The following DCBLD2 variants were observed in gnomAD, a reference collection of about 807,000 sequenced individuals.
DCBLD2 encodes the protein discoidin, CUB and LCCL domain-containing protein 2.
In DCBLD2, 54 loss-of-function variants were observed where a neutral mutation model predicts 86.8. The ratio of observed to expected loss-of-function variants is 0.62; its 90% CI spans 0.50 to 0.78. DCBLD2 has a LOEUF of 0.78. Among genes scored for constraint, DCBLD2 ranks in the 30% least tolerant of loss-of-function variants. The probability of loss-of-function intolerance (pLI) is 0.00; values close to 1 mark genes in which losing one functional copy is unlikely to be tolerated. For missense variants in DCBLD2, 908 were observed against 954.2 expected (o/e 0.95, Z 0.64); for synonymous variants, 354 against 341.3 (o/e 1.04, Z -0.41).
intron 3 of DCBLD2, among the ~76,000 whole-genome samples, chr3:98,836,599 A>T (rs1942455311): frequency 1.4e-5 from 2 of 147,856 alleles, no homozygotes; most frequent in African/African-American, 2.5e-5. Context: ...GTTCTCAATG[A>T]GCTGTTGGGC....
At chr3:98,865,293 A>T (rs942768807) in intron 2 of DCBLD2, among the ~76,000 whole-genome samples, 3 of 152,208 alleles carry the variant, frequency 2.0e-5, no homozygotes, top group Non-Finnish European at 4.4e-5. Flanking sequence ...TATTAAAAAA[A>T]AAAGAAACCC....
chr3:98,876,411 G>GAAAAAAAAAAAAAAAAA (rs1488329797), intron 2 of DCBLD2, among the ~76,000 whole-genome samples: 1 of 2,336 alleles, frequency 4.3e-4, no homozygotes, highest in Non-Finnish European at 8.0e-4. Flanking sequence ...GAGATAAAAA[G>GAAAAAAAAAAAAAAAAA]TAAAAAAAAA....
chr3:98,857,201 G>A (rs546207208), intron 2 of DCBLD2, among the ~76,000 whole-genome samples: 14 of 152,294 alleles, frequency 9.2e-5, no homozygotes, highest in African/African-American at 3.4e-4. Context: ...TCCTCCTGGT[G>A]GGTTCGTGGT....
chr3:98,836,874 G>A (rs1942470674), intron 3 of DCBLD2, among the ~76,000 whole-genome samples: 2 of 53,148 alleles, frequency 3.8e-5, no homozygotes, highest in Non-Finnish European at 8.1e-5. Context: ...GCGGGGGGCC[G>A]ACACCCCCAC....
chr3:98,833,621 G>A (rs1035344710), intron 3 of DCBLD2, among the ~76,000 whole-genome samples: 23 of 152,204 alleles, frequency 1.5e-4, no homozygotes, highest in African/African-American at 4.8e-4. Context: ...GGGGTACAGT[G>A]GTTGTGCTGG....
At chr3:98,867,223 GTTTTT>G (rs1943165197) in intron 2 of DCBLD2, among the ~76,000 whole-genome samples, 1 of 152,218 alleles carries the variant, frequency 6.6e-6, no homozygotes, top group Admixed American at 6.5e-5. Context: ...CTTTAAAGTA[GTTTTT>G]TCCAATTCTG....
chr3:98,894,381 T>C (rs147963100), intron 1 of DCBLD2, among the ~76,000 whole-genome samples: 11 of 152,262 alleles, frequency 7.2e-5, no homozygotes, highest in Middle Eastern at 3.4e-3. Flanking sequence ...GGGGGACTTT[T>C]ATAATATTGG....
At chr3:98,824,740 GTTAAGGAAA>G in intron 4 of DCBLD2, among the ~76,000 whole-genome samples, 2 of 152,114 alleles carry the variant, frequency 1.3e-5, no homozygotes, top group Admixed American at 1.3e-4. Flanking sequence ...AGAAGACCAG[GTTAAGGAAA>G]TCTGGACAAC....
At chr3:98,868,220 C>T (rs1056190287) in intron 2 of DCBLD2, among the ~76,000 whole-genome samples, 2 of 152,160 alleles carry the variant, frequency 1.3e-5, no homozygotes, top group Non-Finnish European at 1.5e-5. Context: ...AACATAAGCC[C>T]TTCTTAAGGA....
At position 98,874,103 on chromosome 3, in the gene DCBLD2, G is replaced by A. The variant is rs568038052; in HGVS notation, c.433+7437C>T. Among the ~76,000 whole-genome samples, 3 of 152,260 alleles carry A rather than the reference G, an allele frequency of 2.0e-5. No individual in the cohort carries two copies. The South Asian group carries it at 6.2e-4, about 32-fold the overall frequency. The stretch of plus-strand genomic sequence containing the variant: ...AGAAGAAACAGAGAACGTCATTAAG[G>A]AAGCATCCTATCAAAAACGCACCAG... On this transcript the variant is annotated intron_variant, in intron 2 of 15. Transcript: ENST00000326840.
chr3:98,819,348 A>T lies in DCBLD2; in HGVS notation c.941T>A (p.Leu314Gln). The change falls in exon 8 of 16, where the codon CTG becomes CAG. Residue 314 changes from leucine to glutamine, a missense_variant. By Grantham distance (113) the Leu-to-Gln change is moderately radical. Transcript: ENST00000326840. ...TTGCCCTGTGTGGTCAGTCCACTCC[A>T]GCACAGATGATGCTGTTATTTGAGG... ...ADPQITASSV[L>Q]EWTDHTGQEN... is the part of the protein sequence containing the mutation. 6.2e-7 allele frequency: 1 copy of T among 1,613,806 alleles called. No homozygotes were observed. Among genetic ancestry groups the T allele is most frequent in the Non-Finnish European group, 8.5e-7 (1 of 1,179,776 alleles).
chr3:98,806,302 G>A (rs1326797212), intron 13 of DCBLD2, among the ~76,000 whole-genome samples: 1 of 152,074 alleles, frequency 6.6e-6, no homozygotes, highest in African/African-American at 2.4e-5. Flanking sequence ...GAAAATACAG[G>A]TATTTGGAAT....
At chr3:98,809,696 A>T (rs1261301361) in intron 12 of DCBLD2, among the ~76,000 whole-genome samples, 1 of 152,230 alleles carries the variant, frequency 6.6e-6, no homozygotes, top group Non-Finnish European at 1.5e-5. Context: ...GAGCTACTGC[A>T]GCCTTTCAGA....
chr3:98,844,029 T>C (rs1942670923), intron 3 of DCBLD2, among the ~76,000 whole-genome samples: 2 of 27,130 alleles, frequency 7.4e-5, no homozygotes, highest in African/African-American at 1.9e-4. Context: ...TTTCCAATCA[T>C]GCATGCACAC....
At chr3:98,851,300 AACAG>A (rs200440057) in intron 2 of DCBLD2, among the ~76,000 whole-genome samples, 6,545 of 152,176 alleles carry the variant, frequency 0.043, 366 homozygotes, top group African/African-American at 0.14. Flanking sequence ...ATACACCAAT[AACAG>A]ACAGAGAGCC....
intron 13 of DCBLD2, among the ~76,000 whole-genome samples, chr3:98,802,447 G>A (rs544071312): frequency 1.2e-3 from 190 of 152,220 alleles, no homozygotes; most frequent in Admixed American, 2.3e-3. Flanking sequence ...GTAGATTCTG[G>A]ATATTAGCCC....
At chr3:98,858,545 G>A (rs1032565594) in intron 2 of DCBLD2, among the ~76,000 whole-genome samples, 3 of 152,206 alleles carry the variant, frequency 2.0e-5, no homozygotes, top group African/African-American at 4.8e-5. Context: ...TTAAAAAATA[G>A]GCATATAGGA....
chr3:98,866,279 C>T (rs572910418), intron 2 of DCBLD2, among the ~76,000 whole-genome samples: 104 of 152,232 alleles, frequency 6.8e-4, no homozygotes, highest in African/African-American at 2.3e-3. Flanking sequence ...CCTGAGGAAT[C>T]GCCACACTGT....
intron 2 of DCBLD2, among the ~76,000 whole-genome samples, chr3:98,876,643 T>A (rs2107517687): frequency 6.6e-6 from 1 of 152,276 alleles, no homozygotes; most frequent in South Asian, 2.1e-4. Context: ...AATTTAGCAA[T>A]GTCTAACAAA....
Sources: allele counts gnomAD v4.1 joint callset (sites outside exome capture counted in the v4.1 genomes callset), GRCh38; gene constraint gnomAD v4.1.1; transcripts MANE v1.5; gene names NCBI Gene and HGNC (gene_info 2026-07-23, HGNC 2026-07-21).